Variants in XKR9 observed in about 807,000 individuals in gnomAD.
The protein encoded by XKR9 is XK-related protein 9.
Under a neutral mutation model 32.0 loss-of-function variants are expected in XKR9, and 32 were observed. The observed-to-expected ratio is 1.00, with a 90% CI of 0.76 to 1.34. The LOEUF (loss-of-function observed/expected upper bound fraction) is 1.34. XKR9 is among the 40% of genes most tolerant of loss of function. XKR9 has a pLI of 0.00. For missense variants in XKR9, 546 were observed against 429.7 expected (o/e 1.27, Z -2.39); for synonymous variants, 168 against 143.4 (o/e 1.17, Z -1.22).
chr8:70,942,198 T>C, the XKR9 span, among the ~76,000 whole-genome samples: 23 of 152,136 alleles, frequency 1.5e-4, no homozygotes, highest in African/African-American at 5.5e-4. Flanking sequence ...GCTCTAACAG[T>C]GGGAGCAGTC....
the XKR9 span, among the ~76,000 whole-genome samples, chr8:71,042,178 C>A: frequency 6.6e-6 from 1 of 152,126 alleles, no homozygotes; most frequent in African/African-American, 2.4e-5. Flanking sequence ...AGCCCTACAA[C>A]AATCAAGCTG....
At chr8:70,843,052 A>G in the XKR9 span, among the ~76,000 whole-genome samples, 8 of 152,348 alleles carry the variant, frequency 5.3e-5, no homozygotes, top group Admixed American at 2.0e-4. Context: ...ATGACTTGCT[A>G]TTTATTCTTC....
At chr8:71,060,492 C>T in the XKR9 span, among the ~76,000 whole-genome samples, 1 of 152,334 alleles carries the variant, frequency 6.6e-6, no homozygotes, top group Non-Finnish European at 1.5e-5. Context: ...AACAAAACTG[C>T]TGAGCTATTG....
chr8:70,678,388 A>G (rs1335534462), intron 2 of XKR9, among the ~76,000 whole-genome samples: 1 of 152,256 alleles, frequency 6.6e-6, no homozygotes, highest in African/African-American at 2.4e-5. Flanking sequence ...CATATAATTT[A>G]TAAAGATCAA....
At chr8:70,870,227 A>T in the XKR9 span, among the ~76,000 whole-genome samples, 2 of 152,196 alleles carry the variant, frequency 1.3e-5, no homozygotes, top group Non-Finnish European at 2.9e-5. Flanking sequence ...TGAAAGAGTT[A>T]TGATAATTTA....
At chr8:71,026,184 C>T in the XKR9 span, among the ~76,000 whole-genome samples, 1 of 152,188 alleles carries the variant, frequency 6.6e-6, no homozygotes, top group East Asian at 1.9e-4. Flanking sequence ...AGTAACATTT[C>T]AAACTCAATT....
the XKR9 span, among the ~76,000 whole-genome samples, chr8:70,798,413 G>A: frequency 8.2e-6 from 1 of 122,602 alleles, no homozygotes; most frequent in Admixed American, 7.6e-5. Flanking sequence ...TTTGGTTTTT[G>A]CTTGTTAATT....
chr8:71,009,531 G>A, the XKR9 span, among the ~76,000 whole-genome samples: 2 of 152,274 alleles, frequency 1.3e-5, no homozygotes, highest in East Asian at 1.9e-4. Context: ...ATGATGGGGC[G>A]ATTGTTACTT....
intron 2 of XKR9, among the ~76,000 whole-genome samples, chr8:70,753,253 T>G (rs950615465): frequency 1.3e-5 from 2 of 152,060 alleles, no homozygotes; most frequent in African/African-American, 4.8e-5. Context: ...TAACAGGATC[T>G]GAAATTGTGG....
At chr8:70,930,658 T>G in the XKR9 span, among the ~76,000 whole-genome samples, 2 of 152,150 alleles carry the variant, frequency 1.3e-5, no homozygotes. Context: ...TACCACATGT[T>G]GAAAAAGAGA....
At chr8:70,980,205 C>T in the XKR9 span, among the ~76,000 whole-genome samples, 7 of 152,246 alleles carry the variant, frequency 4.6e-5, no homozygotes, top group East Asian at 1.9e-4. Context: ...TCCCCTGACC[C>T]CTTGTGCTTC....
At chr8:70,889,556 C>A in the XKR9 span, among the ~76,000 whole-genome samples, 1 of 151,822 alleles carries the variant, frequency 6.6e-6, no homozygotes, top group East Asian at 1.9e-4. Context: ...TTACTCCTCT[C>A]TTGCCACTCT....
At chr8:71,025,499 C>G in the XKR9 span, among the ~76,000 whole-genome samples, 2 of 152,188 alleles carry the variant, frequency 1.3e-5, no homozygotes, top group Non-Finnish European at 2.9e-5. Flanking sequence ...CAAAAGCTGT[C>G]TCTATTGTCT....
chr8:70,805,392 G>A, the XKR9 span, among the ~76,000 whole-genome samples: 3 of 152,276 alleles, frequency 2.0e-5, no homozygotes, highest in East Asian at 1.9e-4. Context: ...CCGAGCTCCC[G>A]GGGGGAGGGG....
intron 3 of XKR9, among the ~76,000 whole-genome samples, chr8:70,700,840 A>G (rs1805499772): frequency 6.6e-6 from 1 of 152,214 alleles, no homozygotes; most frequent in Admixed American, 6.5e-5. Context: ...GGCTCCACGC[A>G]GTTTGAGCTT....
At chr8:70,716,454 C>T (rs1344620279) in intron 4 of XKR9, among the ~76,000 whole-genome samples, 1 of 151,980 alleles carries the variant, frequency 6.6e-6, no homozygotes, top group East Asian at 1.9e-4. Flanking sequence ...AGAAAACTTA[C>T]TAGCATGGCA....
the XKR9 span, among the ~76,000 whole-genome samples, chr8:70,907,266 A>C: frequency 6.6e-6 from 1 of 152,206 alleles, no homozygotes; most frequent in African/African-American, 2.4e-5. Context: ...ATATTTTCTC[A>C]GAGTCAGTAA....
the XKR9 span, among the ~76,000 whole-genome samples, chr8:70,826,485 T>C: frequency 7.9e-5 from 12 of 152,078 alleles, no homozygotes; most frequent in African/African-American, 2.7e-4. Context: ...GACAAAATGG[T>C]TTAAATGTTT....
At chr8:70,961,060 C>G in the XKR9 span, among the ~76,000 whole-genome samples, 2 of 152,120 alleles carry the variant, frequency 1.3e-5, no homozygotes, top group Admixed American at 1.3e-4. Flanking sequence ...ATCCCAGCTA[C>G]TTGGAAGGCT....
Sources: gnomAD v4.1 joint callset for allele counts (sites outside exome capture counted in the v4.1 genomes callset) on GRCh38, gnomAD v4.1.1 for gene constraint, MANE v1.5 for transcripts, NCBI Gene and HGNC (gene_info 2026-07-23, HGNC 2026-07-21) for gene names.